Variants in TENM1 observed in about 807,000 individuals in gnomAD.
TENM1 encodes the protein teneurin transmembrane protein 1.
In TENM1, 35 loss-of-function variants were observed where a neutral mutation model predicts 174.8. The observed-to-expected ratio is 0.20, with a 90% CI of 0.15 to 0.27. TENM1 has a LOEUF of 0.27. Ranked by LOEUF, TENM1 falls within the 10% of genes least tolerant of loss-of-function variation. TENM1 has a pLI of 1.00. For missense variants in TENM1, 1,633 were observed against 2,130.1 expected (o/e 0.77, Z 4.59); for synonymous variants, 781 against 798.7 (o/e 0.98, Z 0.37).
intron 3 of TENM1, among the ~76,000 whole-genome samples, chrX:124,855,471 T>C (rs1332424744): frequency 2.7e-5 from 3 of 111,477 alleles, no homozygotes; most frequent in African/African-American, 6.5e-5. Context: ...AATGAAGTGC[T>C]TGATTGAGCT....
the TENM1 span, among the ~76,000 whole-genome samples, chrX:125,149,583 A>G: frequency 7.1e-5 from 8 of 112,131 alleles, no homozygotes; most frequent in Admixed American, 1.9e-4. Context: ...AAATAATTCC[A>G]TCCAATAGAG....
At chrX:124,967,310 G>T (rs976649998), upstream of TENM1, among the ~76,000 whole-genome samples, 1 of 111,209 alleles carries the variant, frequency 9.0e-6, no homozygotes. Flanking sequence ...CCAATAGCAG[G>T]CTTCCAGAGA....
the TENM1 span, among the ~76,000 whole-genome samples, chrX:125,178,972 T>G: frequency 1.0e-5 from 1 of 99,592 alleles, no homozygotes; most frequent in Non-Finnish European, 2.1e-5. Context: ...CCCCATCTCC[T>G]AAAAAAAAAA....
At chrX:124,747,452 T>G (rs1179323705) in intron 3 of TENM1, among the ~76,000 whole-genome samples, 1 of 108,237 alleles carries the variant, frequency 9.2e-6, no homozygotes, top group Non-Finnish European at 1.9e-5. Context: ...AAGAAATGAT[T>G]TCATAGGTAG....
intron 1 of TENM1, among the ~76,000 whole-genome samples, chrX:124,898,401 C>A (rs960412188): frequency 3.6e-5 from 4 of 110,901 alleles, no homozygotes; most frequent in African/African-American, 1.3e-4. Flanking sequence ...ATCTTTAATT[C>A]TGTTTAAAGA....
the TENM1 span, among the ~76,000 whole-genome samples, chrX:125,120,713 C>A: frequency 5.4e-5 from 6 of 111,498 alleles, no homozygotes; most frequent in African/African-American, 2.0e-4. Flanking sequence ...TTATTGACAT[C>A]ATCTTAACAT....
chrX:125,152,774 T>C, the TENM1 span, among the ~76,000 whole-genome samples: 3 of 112,117 alleles, frequency 2.7e-5, no homozygotes, highest in African/African-American at 9.7e-5. Context: ...CTGAAAGAGT[T>C]GCTTGAGAGA....
chrX:124,414,189 C>A (rs2060568255), intron 25 of TENM1, among the ~76,000 whole-genome samples: 1 of 111,526 alleles, frequency 9.0e-6, no homozygotes, highest in African/African-American at 3.3e-5. Flanking sequence ...GACGAAGGAT[C>A]AAGAGATCAT....
chrX:125,157,737 T>C, the TENM1 span, among the ~76,000 whole-genome samples: 1 of 112,249 alleles, frequency 8.9e-6, no homozygotes, highest in African/African-American at 3.2e-5. Context: ...AAAGCATTCC[T>C]ATTTTATTCA....
intron 11 of TENM1, among the ~76,000 whole-genome samples, chrX:124,637,503 G>A (rs1371657371): frequency 9.0e-6 from 1 of 110,994 alleles, no homozygotes; most frequent in Non-Finnish European, 1.9e-5. Flanking sequence ...ACCATTTACC[G>A]AATGGTAATG....
At chrX:124,895,088 CT>C (rs1490494232) in intron 2 of TENM1, among the ~76,000 whole-genome samples, 1 of 111,320 alleles carries the variant, frequency 9.0e-6, no homozygotes, top group African/African-American at 3.3e-5. Flanking sequence ...CCAGTATCAC[CT>C]TTGGATTAAA....
chrX:125,070,640 T>C, the TENM1 span, among the ~76,000 whole-genome samples: 2 of 111,517 alleles, frequency 1.8e-5, no homozygotes, highest in African/African-American at 6.5e-5. Context: ...CTTAAATAAG[T>C]CATTAAGTTT....
intron 3 of TENM1, among the ~76,000 whole-genome samples, chrX:124,859,554 A>C (rs756368748): frequency 2.7e-5 from 3 of 110,232 alleles, no homozygotes; most frequent in East Asian, 2.9e-4. Context: ...AAAAAAAAAA[A>C]AAAAACAAAA....
intron 11 of TENM1, among the ~76,000 whole-genome samples, chrX:124,626,114 G>A (rs2050630702): frequency 1.8e-5 from 2 of 111,032 alleles, no homozygotes; most frequent in Admixed American, 1.9e-4. Context: ...ACACCCCTAG[G>A]AGTAGGGGTC....
intron 14 of TENM1, among the ~76,000 whole-genome samples, chrX:124,554,024 G>A (rs749743917): frequency 1.8e-5 from 2 of 111,349 alleles, no homozygotes; most frequent in African/African-American, 6.5e-5. Context: ...CAGGAGAATA[G>A]CTTGAAACCA....
intron 1 of TENM1, among the ~76,000 whole-genome samples, chrX:124,941,403 C>T (rs2058324356): frequency 9.0e-6 from 1 of 111,643 alleles, no homozygotes; most frequent in Non-Finnish European, 1.9e-5. Context: ...CAGCAATTTT[C>T]CTGGGATCCT....
intron 22 of TENM1, among the ~76,000 whole-genome samples, chrX:124,477,749 CA>C (rs58693858): frequency 0.022 from 984 of 45,001 alleles, 4 homozygotes; most frequent in African/African-American, 0.045. Context: ...GACTTCGTCT[CA>C]AAAAAAAAAA....
chrX:125,187,868 A>T, the TENM1 span, among the ~76,000 whole-genome samples: 10 of 112,230 alleles, frequency 8.9e-5, no homozygotes, highest in Non-Finnish European at 9.4e-5. Context: ...AAATAAGCAC[A>T]TTATAAAGTA....
intron 5 of TENM1, among the ~76,000 whole-genome samples, chrX:124,704,336 T>G (rs1416528133): frequency 8.9e-6 from 1 of 111,996 alleles, no homozygotes; most frequent in Non-Finnish European, 1.9e-5. Context: ...GAAAGTAAAT[T>G]AATATTCAGT....
Sources: allele counts gnomAD v4.1 joint callset (sites outside exome capture counted in the v4.1 genomes callset), GRCh38; gene constraint gnomAD v4.1.1; transcripts MANE v1.5; gene names NCBI Gene and HGNC (gene_info 2026-07-23, HGNC 2026-07-21).